The following TIAM2 variants were observed in gnomAD, a reference collection of about 807,000 sequenced individuals.
TIAM2 encodes rho guanine nucleotide exchange factor TIAM2.
A neutral mutation model predicts 152.9 loss-of-function variants in TIAM2; 80 were observed. That is an observed-to-expected ratio of 0.52 (90% CI 0.44 to 0.63). TIAM2 has a LOEUF of 0.63. Ranked by LOEUF, TIAM2 falls within the 30% of genes least tolerant of loss-of-function variation. TIAM2 has a pLI of 0.00. For synonymous variants in TIAM2, 804 were observed against 838.0 expected (o/e 0.96, Z 0.70); for missense variants, 1,965 against 2,120.1 (o/e 0.93, Z 1.44).
rs897220362 is a variant in TIAM2 at position 155,230,484 on chromosome 6, C to T, written c.3169-10046C>T. ...TCCGTAGGACCCCCCACTTTCGGCACTGGTCACCTTTGAATGACTTGCTTA... is the reference window on the plus strand; with the variant it reads ...TCCGTAGGACCCCCCACTTTCGGCATTGGTCACCTTTGAATGACTTGCTTA... On this transcript the variant is annotated intron_variant, in intron 15 of 26. Coordinates refer to ENST00000682666, the MANE Select transcript of TIAM2 (RefSeq NM_012454.4). 3.9e-5 allele frequency among the ~76,000 whole-genome samples: 6 copies of T among 152,310 alleles called. No homozygotes were observed. The South Asian group carries it at 1.2e-3, about 32-fold the overall frequency.
Position 155,240,618 on chromosome 6 carries a change from C to T in TIAM2, c.3257C>T (p.Pro1086Leu), listed in dbSNP as rs201303380. 71 of 1,614,042 alleles carry T rather than the reference C, an allele frequency of 4.4e-5. No homozygotes were observed. In the African/African-American group the frequency reaches 5.3e-4, roughly 12 times the overall value. Residue 1086 changes from proline to leucine, a missense_variant, in exon 16 of 27, where the codon CCT becomes CTT. By Grantham distance (98) the Pro-to-Leu change is moderately conservative. This residue lies in a region of TIAM2 where 935 missense variants were observed against 980.0 expected (regional missense o/e 0.95). Transcript: ENST00000682666. ...GGACCGCGGGAGAATCAGGATCCTC[C>T]TCCGAGGTCTCTGGCCCGCCACCTG... is the stretch of plus-strand genomic sequence containing the variant. ...MEGPRENQDP[P>L]PRSLARHLSD...
chr6:155,211,123 T>C, intron 14 of TIAM2, 81 bp from the exon 15 acceptor site: 1 of 1,270,600 alleles, frequency 7.9e-7, no homozygotes, highest in African/African-American at 1.5e-5. Context: ...CTTTCCTTTC[T>C]CCATGTGAGC....
At chr6:155,005,019 G>C in intron 1 of TIAM2, 1 of 518,544 alleles carries the variant, frequency 1.9e-6, no homozygotes, top group South Asian at 3.9e-5. Context: ...GAGGCAGAAG[G>C]CAGTCATGGA....
At chr6:155,171,813 C>T (rs778780220) in intron 9 of TIAM2, among the ~76,000 whole-genome samples, 3 of 152,178 alleles carry the variant, frequency 2.0e-5, no homozygotes, top group East Asian at 3.8e-4. Context: ...AACACTTTCT[C>T]TTCTATGACA....
intron 1 of TIAM2, among the ~76,000 whole-genome samples, chr6:154,996,069 T>TG (rs200373571): frequency 0.021 from 3,136 of 152,236 alleles, 111 homozygotes; most frequent in African/African-American, 0.072. Context: ...GCGCGGCTCC[T>TG]GGGGGGGCTG....
chr6:154,998,914 C>T (rs1407669926), intron 1 of TIAM2, among the ~76,000 whole-genome samples: 1 of 151,762 alleles, frequency 6.6e-6, no homozygotes, highest in Non-Finnish European at 1.5e-5. Flanking sequence ...AAAGTATAGG[C>T]TTAATTTTAA....
At chr6:155,188,478 G>C (rs771973459) in intron 14 of TIAM2, among the ~76,000 whole-genome samples, 15 of 152,228 alleles carry the variant, frequency 9.9e-5, no homozygotes, top group Non-Finnish European at 2.2e-4. Flanking sequence ...TCACAGTGGA[G>C]AGAGGAAATG....
intron 1 of TIAM2, among the ~76,000 whole-genome samples, chr6:155,046,147 T>C (rs1047448003): frequency 2.0e-5 from 3 of 152,024 alleles, no homozygotes; most frequent in Non-Finnish European, 4.4e-5. Flanking sequence ...TTTCCCTGTG[T>C]CTTTGCTGTT....
chr6:155,165,540 C>T, intron 9 of TIAM2, 131 bp downstream of exon 9: 1 of 1,301,854 alleles, frequency 7.7e-7, no homozygotes, highest in Non-Finnish European at 1.0e-6. Context: ...TGGCTCACGC[C>T]TGTAATTCTA....
intron 7 of TIAM2, chr6:155,149,357 C>T (rs1353682297): frequency 6.0e-6 from 1 of 166,966 alleles, no homozygotes; most frequent in Non-Finnish European, 1.5e-5. Flanking sequence ...GTCAAATGAC[C>T]TGGGAACTTG....
chr6:155,131,749 T>A (rs1415647048), intron 4 of TIAM2, among the ~76,000 whole-genome samples: 1 of 151,966 alleles, frequency 6.6e-6, no homozygotes, highest in East Asian at 1.9e-4. Flanking sequence ...CTGGCTAATT[T>A]GTGTATTTTA....
chr6:155,105,648 AGT>A (rs1778668737), intron 2 of TIAM2, among the ~76,000 whole-genome samples: 2 of 150,798 alleles, frequency 1.3e-5, no homozygotes, highest in South Asian at 4.2e-4. Flanking sequence ...TGGTAGAGAC[AGT>A]CTCCCTATGT....
At chr6:155,220,739 G>C (rs1782013225) in intron 15 of TIAM2, among the ~76,000 whole-genome samples, 1 of 152,180 alleles carries the variant, frequency 6.6e-6, no homozygotes. Context: ...TGAAGTTATA[G>C]AAAATAATCA....
At chr6:155,038,389 A>G (rs576196288) in intron 1 of TIAM2, among the ~76,000 whole-genome samples, 4 of 152,294 alleles carry the variant, frequency 2.6e-5, no homozygotes, top group Admixed American at 6.5e-5. Flanking sequence ...AGTAGATGGT[A>G]AGAAGAGAGA....
chr6:155,244,923 C>A (rs757212278), intron 18 of TIAM2, 140 bp downstream of exon 18: 2 of 1,099,594 alleles, frequency 1.8e-6, no homozygotes. Flanking sequence ...TTCCTTGCAC[C>A]GTTTTCCTCT....
intron 14 of TIAM2, among the ~76,000 whole-genome samples, chr6:155,199,069 ATTT>A (rs5881124): frequency 6.7e-6 from 1 of 148,648 alleles, no homozygotes; most frequent in Non-Finnish European, 1.5e-5. Context: ...TAACTTCTTT[ATTT>A]TTTTTTTTTA....
At chr6:155,092,196 C>A (rs1357007769) in intron 2 of TIAM2, among the ~76,000 whole-genome samples, 1 of 151,304 alleles carries the variant, frequency 6.6e-6, no homozygotes, top group African/African-American at 2.4e-5. Flanking sequence ...CACCCAGGAT[C>A]AAGCAGTCCT....
rs533988285 is a variant in TIAM2, at chr6:155,196,451, T to C, written c.3064+12951T>C. Among the ~76,000 whole-genome samples, 212 of 152,222 alleles carry C rather than the reference T, an allele frequency of 1.4e-3. 1 individual carries two copies. The highest frequency in any genetic ancestry group is 4.9e-3 in the African/African-American group (204 of 41,534). On this transcript the variant is annotated intron_variant, in intron 14 of 26. Transcript: ENST00000682666. ...GCAACAGAAAGAGAAAGGGGGGAAA[T>C]TTTAAAAGGCATATTGGTCTTTCCT...
chr6:155,256,355 T>G (rs1046079097), intron 26 of TIAM2, 129 bp from the exon 27 acceptor site: 4 of 1,368,466 alleles, frequency 2.9e-6, no homozygotes, highest in African/African-American at 2.9e-5. Context: ...ATTACCAGGA[T>G]AGTTGCTAAC....
Sources: gnomAD v4.1 joint callset for allele counts (sites outside exome capture counted in the v4.1 genomes callset) on GRCh38, gnomAD v4.1.1 for gene constraint, gnomAD v4.1.1 regional missense constraint, MANE v1.5 for transcripts, NCBI Gene and HGNC (gene_info 2026-07-23, HGNC 2026-07-21) for gene names.